Variants in KIAA1217 observed in about 807,000 individuals in gnomAD.
KIAA1217 encodes sickle tail protein homolog.
A neutral mutation model predicts 163.9 loss-of-function variants in KIAA1217; 88 were observed. The observed-to-expected ratio is 0.54, with a 90% CI of 0.45 to 0.64. The LOEUF is 0.64. KIAA1217 is among the 30% of genes least tolerant of loss of function. The pLI is 0.00. For missense variants in KIAA1217, 2,372 were observed against 2,475.0 expected (o/e 0.96, Z 0.88); for synonymous variants, 903 against 923.1 (o/e 0.98, Z 0.39).
At chr10:24,168,050 A>G (rs1443648226) in intron 2 of KIAA1217, among the ~76,000 whole-genome samples, 1 of 152,190 alleles carries the variant, frequency 6.6e-6, no homozygotes, top group African/African-American at 2.4e-5. Context: ...GGTTTCCAAC[A>G]TATGAACCAT....
At chr10:23,935,949 C>G (rs1414386725) in intron 1 of KIAA1217, among the ~76,000 whole-genome samples, 15 of 152,006 alleles carry the variant, frequency 9.9e-5, no homozygotes, top group Non-Finnish European at 2.9e-5. Context: ...AATAAAGGTC[C>G]TGATTACAAA....
chr10:23,895,776 A>G (rs1446760186), intron 1 of KIAA1217, among the ~76,000 whole-genome samples: 2 of 151,952 alleles, frequency 1.3e-5, no homozygotes, highest in African/African-American at 4.8e-5. Context: ...GATTAAGAAA[A>G]TGTGGCACAT....
intron 2 of KIAA1217, among the ~76,000 whole-genome samples, chr10:24,185,645 AT>A (rs1313209340): frequency 6.6e-6 from 1 of 152,120 alleles, no homozygotes; most frequent in Non-Finnish European, 1.5e-5. Flanking sequence ...AATTACAAAA[AT>A]TAGCCAAGCA....
At chr10:23,770,059 C>G (rs1834725774) in intron 1 of KIAA1217, among the ~76,000 whole-genome samples, 2 of 152,178 alleles carry the variant, frequency 1.3e-5, no homozygotes, top group Admixed American at 1.3e-4. Flanking sequence ...ACTTTCTATC[C>G]TTCTCCATGT....
intron 1 of KIAA1217, among the ~76,000 whole-genome samples, chr10:23,778,623 T>G (rs945439152): frequency 6.6e-6 from 1 of 152,194 alleles, no homozygotes; most frequent in African/African-American, 2.4e-5. Flanking sequence ...GGTGATAAGT[T>G]GTAAGCAGGG....
intron 2 of KIAA1217, among the ~76,000 whole-genome samples, chr10:24,147,468 A>G (rs528160322): frequency 2.2e-4 from 33 of 152,282 alleles, no homozygotes; most frequent in Non-Finnish European, 4.3e-4. Context: ...AGATTGTCCA[A>G]CAGATGTGCT....
At chr10:24,532,679 G>A (rs2073302581) in intron 15 of KIAA1217, among the ~76,000 whole-genome samples, 1 of 152,130 alleles carries the variant, frequency 6.6e-6, no homozygotes, top group African/African-American at 2.4e-5. Flanking sequence ...GATCTCGTGA[G>A]ACTTATTCAC....
rs187760604 is a variant in KIAA1217, at chr10:24,438,261, C to A, written c.753-125C>A. 202 of 649,416 alleles carry A rather than the reference C, an allele frequency of 3.1e-4. No homozygotes were observed. The African/African-American group carries it at 3.3e-3, about 11-fold the overall frequency. 40.2% of individuals were successfully genotyped at this position (649,416 alleles called of 1,614,324 possible). A position where few individuals can be genotyped will look rare whatever the true frequency, so the allele number is the denominator to read the frequency against. ...TTATGGTCACATAGCTTTTGACTGG[C>A]GTACTGTAGATAGCCTTTGGATTGT... On this transcript the variant is annotated intron_variant, in intron 4 of 20. Transcript: ENST00000376454.
chr10:24,269,098 T>A (rs996508051), intron 2 of KIAA1217, among the ~76,000 whole-genome samples: 6 of 140,230 alleles, frequency 4.3e-5, no homozygotes, highest in African/African-American at 1.6e-4. Flanking sequence ...TTGGGAGATA[T>A]ACCTAATGCT....
upstream of KIAA1217, among the ~76,000 whole-genome samples, chr10:24,207,317 T>C (rs1027042429): frequency 6.3e-4 from 68 of 107,794 alleles, no homozygotes; most frequent in East Asian, 7.7e-3. Flanking sequence ...CACACACACA[T>C]ACTTTTCTCC....
At chr10:23,934,577 A>ATATGTGTATATATATG (rs1843413371) in intron 1 of KIAA1217, among the ~76,000 whole-genome samples, 1 of 57,914 alleles carries the variant, frequency 1.7e-5, no homozygotes, top group African/African-American at 1.8e-4. Context: ...ATATATATAT[A>ATATGTGTATATATATG]TATATATATA....
chr10:24,402,382 G>T (rs1218931261), intron 3 of KIAA1217, among the ~76,000 whole-genome samples: 1 of 151,894 alleles, frequency 6.6e-6, no homozygotes, highest in Non-Finnish European at 1.5e-5. Context: ...ATTGGTGGGC[G>T]CCTGTAGTCC....
intron 1 of KIAA1217, among the ~76,000 whole-genome samples, chr10:23,828,197 C>G (rs1051557551): frequency 8.5e-5 from 13 of 152,174 alleles, no homozygotes; most frequent in Non-Finnish European, 1.3e-4. Context: ...AAAATCTCCC[C>G]AAAACACAGA....
rs781578662 is a variant in KIAA1217, at chr10:24,520,140, T to G, written c.2195T>G (p.Val732Gly). 6.2e-7 allele frequency: 1 copy of G among 1,614,064 alleles called. No homozygotes were observed. Among genetic ancestry groups the G allele is most frequent in the South Asian group, 1.1e-5 (1 of 91,074 alleles). The change falls in exon 11 of 21, where the codon GTT (valine) becomes GGT (glycine). Residue 732 changes from valine (V) to glycine (G), a missense_variant. By Grantham distance (109) the Val-to-Gly change is moderately radical. Around this residue, in one of 3 missense-constraint regions of KIAA1217, gnomAD observed 1,431 missense variants for 1,470.3 expected, o/e 0.97. Transcript: ENST00000376454. ...TCCCGCAGCGAGTTGGAAGACTTTG[T>G]TGAAGACTTGAAGAAGGACTCCACG... ...VKKLCELEDF[V>G]EDLKKDSTAA... is the part of the protein sequence containing the mutation.
rs530870357 is a variant in KIAA1217, at chr10:23,952,590, A to G, written c.-320-54635A>G. Among the ~76,000 whole-genome samples the G allele has an allele frequency of 3.3e-5, 5 of 152,310 alleles. No homozygotes were observed. The East Asian group carries it at 9.7e-4, about 29-fold the overall frequency. ...TCCTGGCCATTTTCTCCATTTAGGGACAAGATTGGGAAAATCTGAGTCTCA... is the reference window on the plus strand; with the variant it reads ...TCCTGGCCATTTTCTCCATTTAGGGGCAAGATTGGGAAAATCTGAGTCTCA... On this transcript the variant is annotated intron_variant, in intron 1 of 18. Coordinates refer to the KIAA1217 transcript ENST00000376462.
chr10:24,321,005 C>A (rs2044072572), intron 2 of KIAA1217, among the ~76,000 whole-genome samples: 1 of 151,580 alleles, frequency 6.6e-6, no homozygotes, highest in African/African-American at 2.4e-5. Context: ...TGAGATCACA[C>A]CACTGCACTC....
intron 2 of KIAA1217, among the ~76,000 whole-genome samples, chr10:24,083,203 C>T (rs189254004): frequency 6.6e-6 from 1 of 152,240 alleles, no homozygotes; most frequent in Admixed American, 6.5e-5. Context: ...GGATGGGAAA[C>T]AAGGAGGAGC....
At chr10:24,397,819 T>C (rs1359068964) in intron 3 of KIAA1217, among the ~76,000 whole-genome samples, 1 of 152,156 alleles carries the variant, frequency 6.6e-6, no homozygotes, top group Non-Finnish European at 1.5e-5. Context: ...CCAGTGCCAT[T>C]CACACCTGTA....
At chr10:24,377,189 T>C (rs2052626769) in intron 2 of KIAA1217, among the ~76,000 whole-genome samples, 1 of 152,184 alleles carries the variant, frequency 6.6e-6, no homozygotes, top group Non-Finnish European at 1.5e-5. Context: ...CCTTCATGCA[T>C]GACCCCAAAG....
Sources: gnomAD v4.1 joint callset for allele counts (sites outside exome capture counted in the v4.1 genomes callset) on GRCh38, gnomAD v4.1.1 for gene constraint, gnomAD v4.1.1 regional missense constraint, MANE v1.5 for transcripts, NCBI Gene and HGNC (gene_info 2026-07-23, HGNC 2026-07-21) for gene names.